SCAI: variants seen among roughly 807,000 people sequenced by gnomAD.
The protein encoded by SCAI is suppressor of cancer cell invasion.
Under a neutral mutation model 92.2 loss-of-function variants are expected in SCAI, and 24 were observed. That is an observed-to-expected ratio of 0.26 (90% confidence interval 0.19 to 0.37). The LOEUF (loss-of-function observed/expected upper bound fraction) is 0.37. SCAI is among the 10% of genes least tolerant of loss of function. SCAI has a pLI of 1.00. For missense variants in SCAI, 450 were observed against 736.2 expected (o/e 0.61, Z 4.50); for synonymous variants, 261 against 258.6 (o/e 1.01, Z -0.09).
At chr9:125,072,482 A>C (rs368721228) in intron 2 of SCAI, among the ~76,000 whole-genome samples, 36 of 152,196 alleles carry the variant, frequency 2.4e-4, no homozygotes, top group East Asian at 1.7e-3. Context: ...AAAATGTAGA[A>C]AATAGCTTTT....
intron 12 of SCAI, among the ~76,000 whole-genome samples, chr9:125,000,389 C>A (rs943245194): frequency 6.6e-5 from 10 of 152,114 alleles, no homozygotes; most frequent in African/African-American, 2.4e-4. Flanking sequence ...GTTGCTCATG[C>A]CTGTAATCCC....
chr9:125,125,628 G>C (rs575633046), intron 2 of SCAI, among the ~76,000 whole-genome samples: 1 of 151,912 alleles, frequency 6.6e-6, no homozygotes, highest in African/African-American at 2.4e-5. Context: ...TCAGGAGTTT[G>C]AGATCAGCCT....
intron 4 of SCAI, among the ~76,000 whole-genome samples, chr9:125,028,958 C>T (rs564175050): frequency 3.3e-5 from 5 of 151,436 alleles, no homozygotes; most frequent in Non-Finnish European, 7.4e-5. Context: ...CCACCATGCC[C>T]GACTAATTTT....
In SCAI at chr9:125,000,129, C is replaced by T. The variant is rs537026380; in HGVS notation, c.1145-139G>A. 1.0e-4 allele frequency: 45 copies of T among 452,194 alleles called. No individual in the cohort carries two copies. The South Asian group carries it at 1.9e-3, about 19-fold the overall frequency. 28.0% of individuals were successfully genotyped at this position (452,194 alleles called of 1,614,324 possible). A position where few individuals can be genotyped will look rare whatever the true frequency, so the allele number is the denominator to read the frequency against. ...ACATTTAAATTATTTTAAAATTTAA[C>T]ATTTTAATTTAATGGAGTATTTAAA... On this transcript the variant is annotated intron_variant, in intron 12 of 17. Coordinates refer to ENST00000336505, the MANE Select transcript of SCAI (RefSeq NM_001144877.3).
At chr9:124,989,791 G>A (rs1368933644) in intron 14 of SCAI, among the ~76,000 whole-genome samples, 1 of 151,292 alleles carries the variant, frequency 6.6e-6, no homozygotes, top group Non-Finnish European at 1.5e-5. Flanking sequence ...GCTAAGGCAG[G>A]AGAATGGCCT....
chr9:124,999,803 GA>G, intron 13 of SCAI, 87 bp downstream of exon 13: 1 of 704,016 alleles, frequency 1.4e-6, no homozygotes, highest in East Asian at 3.1e-5. Flanking sequence ...TCTAGTACTA[GA>G]AAAAACTCCC....
At chr9:125,026,431 C>CCCTGGT (rs1832966656) in intron 6 of SCAI, among the ~76,000 whole-genome samples, 1 of 151,640 alleles carries the variant, frequency 6.6e-6, no homozygotes, top group South Asian at 2.1e-4. Flanking sequence ...ACAGACTATT[C>CCCTGGT]CCTGGTCCTA....
chr9:124,962,786 TTTTCTTTTTC>T (rs1332432132), intron 17 of SCAI, among the ~76,000 whole-genome samples: 14 of 151,676 alleles, frequency 9.2e-5, no homozygotes, highest in Non-Finnish European at 1.8e-4. Context: ...ATATATTGTT[TTTTCTTTTTC>T]TTTCTTTTTC....
rs554966759 is a variant in SCAI at position 125,132,941 on chromosome 9, G to A, written c.98+9692C>T. On this transcript the variant is annotated intron_variant, in intron 2 of 17. Coordinates refer to ENST00000336505, the MANE Select transcript of SCAI (RefSeq NM_001144877.3). ...GATCGCACCACTGCACTCCAGCCTG[G>A]GCAACAGAGTGAGACTCCATCTCAC... 1.8e-4 allele frequency among the ~76,000 whole-genome samples: 27 copies of A among 152,010 alleles called. No homozygotes were observed. In the South Asian group the frequency reaches 2.7e-3, roughly 15 times the overall value.
At chr9:125,026,491 A>T (rs3824507) in intron 6 of SCAI, among the ~76,000 whole-genome samples, 1 of 152,060 alleles carries the variant, frequency 6.6e-6, no homozygotes, top group African/African-American at 2.4e-5. Flanking sequence ...AAGATTACAC[A>T]GGCTAAAGAA....
intron 14 of SCAI, among the ~76,000 whole-genome samples, chr9:124,990,390 G>A (rs1427054062): frequency 6.6e-6 from 1 of 151,998 alleles, no homozygotes; most frequent in Non-Finnish European, 1.5e-5. Context: ...TAGAGAGGCT[G>A]AGGCAGGAGA....
chr9:125,131,990 G>A (rs1835411004), intron 2 of SCAI, among the ~76,000 whole-genome samples: 1 of 152,132 alleles, frequency 6.6e-6, no homozygotes, highest in South Asian at 2.1e-4. Context: ...CAGAGAAAGA[G>A]ATAACACCCA....
Position 125,094,782 on chromosome 9 carries a change from G to A in SCAI, c.99-38775C>T, listed in dbSNP as rs148826646. On this transcript the variant is annotated intron_variant, in intron 2 of 17. Transcript: ENST00000336505. ...CTCCCTAAGTACTAAGATTACAGGT[G>A]TAAGCCGCCACGCCCAGCCAAAATT... is the stretch of plus-strand genomic sequence containing the variant. Among the ~76,000 whole-genome samples, 121 of 152,164 alleles carry A rather than the reference G, an allele frequency of 8.0e-4. 1 individual carries two copies. The highest frequency in any genetic ancestry group is 6.8e-3 in the Middle Eastern group (2 of 294).
intron 9 of SCAI, among the ~76,000 whole-genome samples, chr9:125,008,007 G>A (rs1011397911): frequency 4.6e-5 from 7 of 151,976 alleles, no homozygotes; most frequent in African/African-American, 1.2e-4. Context: ...CACCATGCCC[G>A]GCTAATTTTT....
At chr9:125,142,143 G>A in intron 2 of SCAI, 1 of 153,932 alleles carries the variant, frequency 6.5e-6, no homozygotes, top group Non-Finnish European at 1.4e-5. Context: ...TACATAGTAG[G>A]TGTATATATT....
chr9:125,086,961 AGTAAT>A (rs2131189494), intron 2 of SCAI, among the ~76,000 whole-genome samples: 1 of 152,344 alleles, frequency 6.6e-6, no homozygotes, highest in African/African-American at 2.4e-5. Flanking sequence ...ATGTTATGTA[AGTAAT>A]ACTGCCATTT....
chr9:125,014,755 G>A (rs1832715192), intron 9 of SCAI, among the ~76,000 whole-genome samples: 1 of 152,128 alleles, frequency 6.6e-6, no homozygotes, highest in South Asian at 2.1e-4. Context: ...CAAAGCTGGA[G>A]GCATCACGCT....
chr9:125,081,066 G>C (rs895876432), intron 2 of SCAI, among the ~76,000 whole-genome samples: 3 of 152,188 alleles, frequency 2.0e-5, no homozygotes, highest in Non-Finnish European at 1.5e-5. Context: ...GGCCTCCCCA[G>C]CCACATGGAA....
chr9:124,998,552 G>A (rs929989290), intron 13 of SCAI, among the ~76,000 whole-genome samples: 8 of 152,212 alleles, frequency 5.3e-5, no homozygotes, highest in African/African-American at 1.9e-4. Context: ...ATTACAGCTA[G>A]ATAGAAGGAA....
Sources: gnomAD v4.1 joint callset for allele counts (sites outside exome capture counted in the v4.1 genomes callset) on GRCh38, gnomAD v4.1.1 for gene constraint, MANE v1.5 for transcripts, NCBI Gene and HGNC (gene_info 2026-07-23, HGNC 2026-07-21) for gene names.